The following FBXL7 variants were observed in gnomAD, a reference collection of about 807,000 sequenced individuals.
FBXL7 encodes F-box and leucine rich repeat protein 7, also known as F-box/LRR-repeat protein 7.
A neutral mutation model predicts 38.3 loss-of-function variants in FBXL7; 12 were observed. The ratio of observed to expected loss-of-function variants is 0.31; its 90% CI spans 0.20 to 0.51. The LOEUF (loss-of-function observed/expected upper bound fraction) is 0.51, where lower values mean the gene tolerates loss of function less well. FBXL7 is among the 20% of genes least tolerant of loss of function. The pLI is 0.98. For synonymous variants in FBXL7, 297 were observed against 300.9 expected (o/e 0.99, Z 0.13); for missense variants, 567 against 676.4 (o/e 0.84, Z 1.79).
At position 15,936,529 on chromosome 5, in the gene FBXL7, C is replaced by T. The variant is rs1742191684; in HGVS notation, c.819C>T (p.Ser273=). ...CACCCTTGCATGGCAAACAGATTTC[C>T]ATCCGCTACCTGGACATGACGGACT... ...KLSPLHGKQI[S]IRYLDMTDCF... The change falls in exon 4 of 4, where the codon TCC becomes TCT. Residue 273 remains serine (S), a synonymous_variant. Coordinates refer to ENST00000504595, the MANE Select transcript of FBXL7 (RefSeq NM_012304.5). The surrounding 1 kb of genome is among the most constrained non-coding windows in gnomAD (Gnocchi z 6.0). 6.2e-7 allele frequency: 1 copy of T among 1,613,622 alleles called. No individual in the cohort carries two copies.
chr5:15,893,948 A>T (rs1241129874), intron 2 of FBXL7, among the ~76,000 whole-genome samples: 1 of 152,226 alleles, frequency 6.6e-6, no homozygotes, highest in African/African-American at 2.4e-5. Flanking sequence ...ACATGTCAAC[A>T]TTTGGAAAAG....
intron 2 of FBXL7, among the ~76,000 whole-genome samples, chr5:15,881,139 C>G (rs1252453523): frequency 6.6e-6 from 1 of 151,998 alleles, no homozygotes; most frequent in Non-Finnish European, 1.5e-5. Context: ...ACCCATCACC[C>G]AAGCAGTACC....
intron 2 of FBXL7, among the ~76,000 whole-genome samples, chr5:15,721,285 C>G (rs190435881): frequency 6.6e-6 from 1 of 152,126 alleles, no homozygotes; most frequent in East Asian, 1.9e-4. Flanking sequence ...AAAATAATCC[C>G]TTTCTAAATT....
At chr5:15,880,930 T>C (rs1740425746) in intron 2 of FBXL7, among the ~76,000 whole-genome samples, 1 of 151,864 alleles carries the variant, frequency 6.6e-6, no homozygotes. Flanking sequence ...ATTCTAGTAC[T>C]GTTTTTTATT....
chr5:15,541,493 A>C (rs1456011780), intron 1 of FBXL7, among the ~76,000 whole-genome samples: 1 of 128,068 alleles, frequency 7.8e-6, no homozygotes, highest in Non-Finnish European at 1.7e-5. Context: ...AGGTATAGCC[A>C]CAGAAGTATT....
chr5:15,533,680 G>C (rs1038043776), intron 1 of FBXL7, among the ~76,000 whole-genome samples: 8 of 152,316 alleles, frequency 5.3e-5, no homozygotes, highest in Middle Eastern at 3.4e-3. Flanking sequence ...CCCTGTGCCA[G>C]TATTGTATAA....
chr5:15,621,966 C>T (rs1835128), intron 2 of FBXL7, among the ~76,000 whole-genome samples: 3 of 151,922 alleles, frequency 2.0e-5, no homozygotes, highest in Admixed American at 1.3e-4. Flanking sequence ...CATTGTGTTA[C>T]GTGCTAAAAG....
At chr5:15,612,910 C>T (rs1257762512) in intron 1 of FBXL7, among the ~76,000 whole-genome samples, 1 of 152,162 alleles carries the variant, frequency 6.6e-6, no homozygotes, top group African/African-American at 2.4e-5. Context: ...AGTTTAATCT[C>T]AGCAAAATAA....
chr5:15,862,103 C>T (rs775881067), intron 2 of FBXL7, among the ~76,000 whole-genome samples: 1 of 152,052 alleles, frequency 6.6e-6, no homozygotes, highest in African/African-American at 2.4e-5. Flanking sequence ...GACTGTGTCC[C>T]CACCCAAATC....
At chr5:15,646,088 A>G (rs1741525124) in intron 2 of FBXL7, among the ~76,000 whole-genome samples, 1 of 152,078 alleles carries the variant, frequency 6.6e-6, no homozygotes, top group South Asian at 2.1e-4. Context: ...TCTGATTCTC[A>G]GTCTCTTTGC....
intron 2 of FBXL7, among the ~76,000 whole-genome samples, chr5:15,660,838 A>G (rs1347318984): frequency 6.6e-6 from 1 of 152,220 alleles, no homozygotes; most frequent in African/African-American, 2.4e-5. Flanking sequence ...TTCACTTGAT[A>G]GTACACCGAG....
At chr5:15,888,779 G>C (rs1025291657) in intron 2 of FBXL7, among the ~76,000 whole-genome samples, 1 of 152,008 alleles carries the variant, frequency 6.6e-6, no homozygotes, top group Non-Finnish European at 1.5e-5. Context: ...TTTTGCCTTC[G>C]ATCAAGAGTT....
At chr5:15,556,016 T>TCTAC (rs1738225133) in intron 1 of FBXL7, among the ~76,000 whole-genome samples, 1 of 149,294 alleles carries the variant, frequency 6.7e-6, no homozygotes, top group Admixed American at 6.7e-5. Context: ...TATCTATCTA[T>TCTAC]CATCTATCAG....
chr5:15,585,609 T>C (rs941958065), intron 1 of FBXL7, among the ~76,000 whole-genome samples: 1 of 152,260 alleles, frequency 6.6e-6, no homozygotes, highest in Non-Finnish European at 1.5e-5. Flanking sequence ...CATGATTGTA[T>C]GCCTGAGCTA....
intron 1 of FBXL7, among the ~76,000 whole-genome samples, chr5:15,561,985 A>G (rs1738427375): frequency 6.6e-6 from 1 of 152,184 alleles, no homozygotes; most frequent in African/African-American, 2.4e-5. Flanking sequence ...AAGCCTAACC[A>G]GTCAACTAAT....
rs552594424 is a variant in FBXL7 at position 15,690,260 on chromosome 5, A to G, written c.127+74188A>G. On this transcript the variant is annotated intron_variant, in intron 2 of 3. Transcript: ENST00000504595. ...GTTTTATGGGTATAACCAAAACCCA[A>G]TTCAATTAAAATAAATAATCCCCAG... Among the ~76,000 whole-genome samples, 8 of 152,366 alleles carry G rather than the reference A, an allele frequency of 5.3e-5. No homozygotes were observed. In the East Asian group the frequency reaches 1.3e-3, roughly 26 times the overall value.
rs191247889 is a variant in FBXL7, at chr5:15,811,837, A to G, written c.128-116053A>G. 8.5e-4 allele frequency among the ~76,000 whole-genome samples: 130 copies of G among 152,302 alleles called. 1 individual carries two copies. Among genetic ancestry groups the G allele is most frequent in the Admixed American group, 8.2e-3 (126 of 15,292 alleles). On this transcript the variant is annotated intron_variant, in intron 2 of 3. Coordinates refer to ENST00000504595, the MANE Select transcript of FBXL7 (RefSeq NM_012304.5). ...GCAATTATTAAAAAGTCAGGAAACA[A>G]TAGATGCTGGTGAGGCTGTGGAGAA...
At chr5:15,783,743 G>T in intron 2 of FBXL7, among the ~76,000 whole-genome samples, 1 of 152,126 alleles carries the variant, frequency 6.6e-6, no homozygotes, top group Non-Finnish European at 1.5e-5. Context: ...GGAGCATTCA[G>T]AGAAATAGTT....
intron 1 of FBXL7, among the ~76,000 whole-genome samples, chr5:15,560,018 G>T (rs1280491963): frequency 6.6e-6 from 1 of 152,134 alleles, no homozygotes; most frequent in Non-Finnish European, 1.5e-5. Flanking sequence ...CTCAACACTA[G>T]CATTATAAGC....
Sources: allele counts gnomAD v4.1 joint callset (sites outside exome capture counted in the v4.1 genomes callset), GRCh38; gene constraint gnomAD v4.1.1; non-coding constraint Gnocchi (gnomAD v3.1); transcripts MANE v1.5; gene names NCBI Gene and HGNC (gene_info 2026-07-23, HGNC 2026-07-21).